ZNF354B: variants seen among roughly 807,000 people sequenced by gnomAD.
The protein encoded by ZNF354B is zinc finger protein 354B.
In ZNF354B, 10 loss-of-function variants were observed where a neutral mutation model predicts 12.9. The ratio of observed to expected loss-of-function variants is 0.77; its 90% CI spans 0.48 to 1.31. The LOEUF is 1.31. Among genes scored for constraint, ZNF354B ranks in the 40% most tolerant of loss-of-function variants. ZNF354B has a pLI of 0.00. For synonymous variants in ZNF354B, 260 were observed against 243.7 expected, an observed-to-expected ratio of 1.07 and a Z score of -0.62; for missense variants, 614 against 711.7, an observed-to-expected ratio of 0.86 and a Z score of 1.56.
intron 4 of ZNF354B, among the ~76,000 whole-genome samples, chr5:178,871,601 A>C (rs1041748983): frequency 1.3e-5 from 2 of 152,176 alleles, no homozygotes; most frequent in African/African-American, 4.8e-5. Flanking sequence ...CAAGAACCTA[A>C]AACAGTCCCT....
Position 178,867,941 on chromosome 5 carries a change from G to C in ZNF354B, c.256+870G>C, listed in dbSNP as rs528781656. 8.9e-4 allele frequency among the ~76,000 whole-genome samples: 136 copies of C among 152,326 alleles called. 1 individual carries two copies. Among genetic ancestry groups the C allele is most frequent in the Non-Finnish European group, 1.2e-3 (85 of 68,038 alleles). ...CAGATGGTCACTTTGGGAGTATCGT[G>C]ATTGAAAGTGAGGCAAAACTAGAGG... is the stretch of plus-strand genomic sequence containing the variant. On this transcript the variant is annotated intron_variant, in intron 4 of 4. Transcript: ENST00000322434.
intron 4 of ZNF354B, among the ~76,000 whole-genome samples, chr5:178,872,386 C>CT (rs1757578172): frequency 6.6e-6 from 1 of 152,094 alleles, no homozygotes; most frequent in Non-Finnish European, 1.5e-5. Flanking sequence ...TAGCCATTCC[C>CT]TTGTTGGACA....
intron 2 of ZNF354B, among the ~76,000 whole-genome samples, chr5:178,862,274 A>G (rs1380016012): frequency 6.6e-6 from 1 of 151,420 alleles, no homozygotes; most frequent in Non-Finnish European, 1.5e-5. Context: ...GTTCCGTCGG[A>G]CCACCCAGTC....
In ZNF354B at chr5:178,866,270, T is replaced by C. The variant is rs780133878; in HGVS notation, c.60T>C (p.Ala20=). 7.4e-6 allele frequency: 12 copies of C among 1,614,026 alleles called. No individual in the cohort carries two copies. Among genetic ancestry groups the C allele is most frequent in the Admixed American group, 1.7e-5 (1 of 60,006 alleles). Residue 20 remains alanine (A), a synonymous_variant, in exon 3 of 5, where the codon GCT becomes GCC. Transcript: ENST00000322434. ...TGTCACTGACATTCGAGGACGTGGC[T>C]GTGCTCTTTACCTGGGATGAGTGGA... ...PQVSLTFEDV[A]VLFTWDEWRK...
At chr5:178,873,472 A>G (rs1757591396) in intron 4 of ZNF354B, among the ~76,000 whole-genome samples, 2 of 152,162 alleles carry the variant, frequency 1.3e-5, no homozygotes, top group African/African-American at 2.4e-5. Context: ...TTTGTGTTAG[A>G]TGCGAGGTTC....
intron 3 of ZNF354B, 35 bp downstream of exon 3, chr5:178,866,405 A>G: frequency 1.3e-6 from 2 of 1,592,204 alleles, no homozygotes; most frequent in Non-Finnish European, 1.7e-6. Context: ...CAGAATTCAA[A>G]AATTGGGATA....
intron 2 of ZNF354B, among the ~76,000 whole-genome samples, chr5:178,865,371 G>A (rs1264830422): frequency 6.6e-6 from 1 of 151,968 alleles, no homozygotes; most frequent in East Asian, 1.9e-4. Flanking sequence ...GGGTTCAAGC[G>A]ATTCTCCTGC....
intron 2 of ZNF354B, among the ~76,000 whole-genome samples, chr5:178,862,320 G>A (rs78564145): frequency 6.6e-6 from 1 of 150,856 alleles, no homozygotes; most frequent in South Asian, 2.1e-4. Context: ...ATGGGCAGAT[G>A]CAGCCACGCG....
chr5:178,866,184 GCCGC>G (rs762541781), intron 2 of ZNF354B, 56 bp from the exon 3 acceptor site: 228 of 1,597,416 alleles, frequency 1.4e-4, no homozygotes, highest in Non-Finnish European at 1.7e-4. Flanking sequence ...CTTCCCCACT[GCCGC>G]CCCCTCCACT....
At position 178,866,339 on chromosome 5, in the gene ZNF354B, G is replaced by A. The variant is rs1210499649; in HGVS notation, c.129G>A (p.Met43Ile). 1.2e-6 allele frequency: 2 copies of A among 1,614,012 alleles called. No individual in the cohort carries two copies. Among genetic ancestry groups the A allele is most frequent in the South Asian group, 2.2e-5 (2 of 91,074 alleles). The change falls in exon 3 of 5, where the codon ATG becomes ATA. Residue 43 changes from methionine (M) to isoleucine (I), a missense_variant. Coordinates refer to ENST00000322434, the MANE Select transcript of ZNF354B (RefSeq NM_058230.3). ...PSQRNLYRDV[M>I]LENYRNLVSL... Reference sequence around the variant, plus strand: ...AGAGAAACTTGTACCGGGATGTGATGCTGGAGAACTATAGGAACCTGGTCT... The same window carrying A: ...AGAGAAACTTGTACCGGGATGTGATACTGGAGAACTATAGGAACCTGGTCT...
intron 4 of ZNF354B, among the ~76,000 whole-genome samples, chr5:178,874,561 G>A (rs1446235172): frequency 1.3e-5 from 2 of 151,938 alleles, no homozygotes; most frequent in African/African-American, 2.4e-5. Flanking sequence ...TGAAATTCTT[G>A]TAGTATGTTT....
At position 178,867,079 on chromosome 5, in the gene ZNF354B, G is replaced by A; in HGVS notation, c.256+8G>A. The stretch of plus-strand genomic sequence containing the variant: ...CTGGTGTCTCCTCTCTAGGTAAGTG[G>A]GTGGCCCGAGGTGCTCGGGAATGGC... On this transcript the variant is annotated splice_region_variant and intron_variant, in intron 4 of 4. Coordinates refer to ENST00000322434, the MANE Select transcript of ZNF354B (RefSeq NM_058230.3). The A allele has an allele frequency of 6.2e-7, 1 of 1,610,216 alleles. No homozygotes were observed. Among genetic ancestry groups the A allele is most frequent in the Non-Finnish European group, 8.5e-7 (1 of 1,177,768 alleles).
intron 4 of ZNF354B, among the ~76,000 whole-genome samples, chr5:178,880,831 A>ATTTTTTT (rs56013359): frequency 8.4e-4 from 64 of 76,180 alleles, no homozygotes; most frequent in Non-Finnish European, 1.2e-3. Flanking sequence ...ACTCATGGTC[A>ATTTTTTT]TTTTTTTTTT....
rs1236215352 is a variant in ZNF354B, at chr5:178,867,054, C to T, written c.239C>T (p.Ser80Phe). The T allele has an allele frequency of 6.2e-7, 1 of 1,613,390 alleles. No individual in the cohort carries two copies. Among genetic ancestry groups the T allele is most frequent in the African/African-American group, 1.3e-5 (1 of 75,016 alleles). ...CCCTGGGAGGTGGAGAAAGACAGTT[C>T]TGGTGTCTCCTCTCTAGGTAAGTGG... is the stretch of plus-strand genomic sequence containing the variant. Reference protein sequence around the residue: ...EDPWEVEKDSSGVSSLGCKST... With the variant: ...EDPWEVEKDSFGVSSLGCKST... The change falls in exon 4 of 5, where the codon TCT becomes TTT. Residue 80 changes from serine (S) to phenylalanine (F), a missense_variant. By Grantham distance (155) the Ser-to-Phe change is radical (BLOSUM62 -2). Coordinates refer to ENST00000322434, the MANE Select transcript of ZNF354B (RefSeq NM_058230.3).
intron 2 of ZNF354B, among the ~76,000 whole-genome samples, chr5:178,863,887 G>A (rs180672896): frequency 4.6e-5 from 7 of 152,206 alleles, no homozygotes; most frequent in Non-Finnish European, 7.4e-5. Context: ...AAAATTAAAA[G>A]CTTTTGAAAT....
intron 4 of ZNF354B, among the ~76,000 whole-genome samples, chr5:178,876,927 CT>C (rs71589405): frequency 0.14 from 19,917 of 141,174 alleles, 1,455 homozygotes; most frequent in African/African-American, 0.22. Context: ...TTTTTTATGC[CT>C]TTTTTTTTTT....
Position 178,867,031 on chromosome 5 carries a change from C to T in ZNF354B, c.216C>T (p.Pro72=), listed in dbSNP as rs1373865532. The T allele has an allele frequency of 1.2e-6, 2 of 1,613,854 alleles. No individual in the cohort carries two copies. Among genetic ancestry groups the T allele is most frequent in the Non-Finnish European group, 1.7e-6 (2 of 1,179,966 alleles). Residue 72 remains proline, a synonymous_variant, in exon 4 of 5, where the codon CCC becomes CCT. Transcript: ENST00000322434. ...VISLLQQGED[P]WEVEKDSSGV... ...CCCTGTTGCAGCAAGGAGAAGATCC[C>T]TGGGAGGTGGAGAAAGACAGTTCTG...
intron 4 of ZNF354B, among the ~76,000 whole-genome samples, chr5:178,881,869 A>C (rs1025284612): frequency 6.6e-6 from 1 of 152,210 alleles, no homozygotes; most frequent in Non-Finnish European, 1.5e-5. Context: ...GTCTCAATCC[A>C]TTCTCTGGAC....
chr5:178,867,192 G>C, intron 4 of ZNF354B, 121 bp downstream of exon 4: 2 of 928,790 alleles, frequency 2.2e-6, no homozygotes, highest in Non-Finnish European at 3.5e-6. Flanking sequence ...GAAGTGGTGG[G>C]GAAGCGGAAG....
Sources: gnomAD v4.1 joint callset for allele counts (sites outside exome capture counted in the v4.1 genomes callset) on GRCh38, gnomAD v4.1.1 for gene constraint, MANE v1.5 for transcripts, NCBI Gene and HGNC (gene_info 2026-07-23, HGNC 2026-07-21) for gene names.